The following FAM161B variants were observed in gnomAD, a reference collection of about 807,000 sequenced individuals.
The protein encoded by FAM161B is FAM161 centrosomal protein B.
A neutral mutation model predicts 61.5 loss-of-function variants in FAM161B; 46 were observed. The observed-to-expected ratio is 0.75, with a 90% confidence interval of 0.59 to 0.96. The LOEUF is 0.96. FAM161B is among the 40% of genes least tolerant of loss of function. The pLI is 0.00. For synonymous variants in FAM161B, 284 were observed against 302.7 expected (o/e 0.94, Z 0.64); for missense variants, 774 against 800.7 (o/e 0.97, Z 0.40).
At chr14:73,940,706 T>C (rs573972968) in intron 5 of FAM161B, among the ~76,000 whole-genome samples, 128 of 152,228 alleles carry the variant, frequency 8.4e-4, no homozygotes, top group Admixed American at 2.4e-3. Flanking sequence ...ACACTGTGCC[T>C]GGCACAGAAT....
In FAM161B at chr14:73,936,071, T is replaced by C. The variant is rs1221732568; in HGVS notation, c.1683A>G (p.Glu561=). 2 of 1,610,082 alleles carry C rather than the reference T, an allele frequency of 1.2e-6. No individual in the cohort carries two copies. Among genetic ancestry groups the C allele is most frequent in the East Asian group, 4.5e-5 (2 of 44,826 alleles). The part of the protein sequence containing the change: ...EQVAKDLAKK[E]AEQWYLDTLK... ...GGGTGTCTAGATACCACTGTTCTGC[T>C]TCTTTCTTGGCTAGATCCTGTGGGA... Residue 561 remains glutamate, a synonymous_variant, in exon 8 of 9, where the codon GAA becomes GAG. Transcript: ENST00000286544.
At chr14:73,949,483 G>T (rs2056106227) in intron 1 of FAM161B, among the ~76,000 whole-genome samples, 1 of 151,128 alleles carries the variant, frequency 6.6e-6, no homozygotes, top group Non-Finnish European at 1.5e-5. Context: ...CTCCCAAAGT[G>T]CTGGGATTAC....
At position 73,942,373 on chromosome 14, in the gene FAM161B, C is replaced by T. The variant is rs769599672; in HGVS notation, c.1268G>A (p.Arg423Lys). ...CACAGCTGCCTGGGCTCTCACCTGC[C>T]TCCTTCCGGTGGTGGCAGCATCACA... The part of the protein sequence containing the change: ...RPCDAATTGR[R>K]QDSPQPPATP... The change falls in exon 4 of 9, where the codon AGG (arginine) becomes AAG (lysine). Residue 423 changes from arginine (R) to lysine (K), a missense_variant. By Grantham distance (26) the Arg-to-Lys change is conservative (BLOSUM62 2). Transcript: ENST00000286544. 48 of 1,613,406 alleles carry T rather than the reference C, an allele frequency of 3.0e-5. No homozygotes were observed. The Middle Eastern group carries it at 5.0e-4, about 17-fold the overall frequency.
intron 5 of FAM161B, 87 bp from the exon 6 acceptor site, chr14:73,938,199 T>G (rs561094249): frequency 1.3e-6 from 2 of 1,499,104 alleles, no homozygotes; most frequent in East Asian, 2.3e-5. Context: ...TGGCTCACAC[T>G]TGTAGTCCTA....
the FAM161B span, among the ~76,000 whole-genome samples, chr14:73,925,394 G>A: frequency 6.6e-6 from 1 of 151,730 alleles, no homozygotes; most frequent in South Asian, 2.1e-4. Context: ...TCGAAGTTAC[G>A]GCTGAGAGCG....
At chr14:73,943,764 ATTTGTC>A (rs1157600093) in intron 3 of FAM161B, among the ~76,000 whole-genome samples, 1 of 152,086 alleles carries the variant, frequency 6.6e-6, no homozygotes, top group Non-Finnish European at 1.5e-5. Flanking sequence ...ATTTGTATGT[ATTTGTC>A]TTTATCTGTT....
At chr14:73,925,293 C>T in the FAM161B span, among the ~76,000 whole-genome samples, 188 of 152,204 alleles carry the variant, frequency 1.2e-3, 1 homozygote, top group Middle Eastern at 0.01. Flanking sequence ...CTCCATTTTT[C>T]TTGTCTTCAT....
At chr14:73,937,103 A>T (rs955913566) in intron 7 of FAM161B, among the ~76,000 whole-genome samples, 1 of 152,176 alleles carries the variant, frequency 6.6e-6, no homozygotes, top group African/African-American at 2.4e-5. Flanking sequence ...AAGAAAAAAA[A>T]ATTTCAGGCT....
Position 73,942,485 on chromosome 14 carries a change from C to T in FAM161B, c.1156G>A (p.Ala386Thr). 2 of 1,614,208 alleles carry T rather than the reference C, an allele frequency of 1.2e-6. No homozygotes were observed. Among genetic ancestry groups the T allele is most frequent in the Non-Finnish European group, 1.7e-6 (2 of 1,180,044 alleles). ...EGLYKAFQRR[A>T]AKRRETQEAT... ...TCTTGGGTTTCTCTTCTTTTGGCTG[C>T]TCTTCTCTGGAAGGCCTTGTAAAGG... The change falls in exon 4 of 9, where the codon GCA becomes ACA. Residue 386 changes from alanine to threonine, a missense_variant. Transcript: ENST00000286544.
chr14:73,939,731 G>A (rs2056001572), intron 5 of FAM161B, among the ~76,000 whole-genome samples: 1 of 152,210 alleles, frequency 6.6e-6, no homozygotes, highest in African/African-American at 2.4e-5. Context: ...GTAGCACTTA[G>A]TTTGTTCAGT....
chr14:73,949,463 T>C (rs1464631762), intron 1 of FAM161B, among the ~76,000 whole-genome samples: 2 of 151,934 alleles, frequency 1.3e-5, no homozygotes, highest in Non-Finnish European at 2.9e-5. Flanking sequence ...CATGATCCGC[T>C]TTCCTTGGCC....
chr14:73,931,397 C>A (rs2055912410), downstream of FAM161B: 1 of 939,182 alleles, frequency 1.1e-6, no homozygotes. Context: ...TTCATTCACC[C>A]CTGTAGTGCA....
At chr14:73,945,262 C>G (rs1234203520) in intron 2 of FAM161B, among the ~76,000 whole-genome samples, 1 of 151,978 alleles carries the variant, frequency 6.6e-6, no homozygotes, top group African/African-American at 2.4e-5. Flanking sequence ...TGTCTACTTA[C>G]CAGGTTATTG....
At chr14:73,946,030 C>T (rs1430803374) in intron 2 of FAM161B, among the ~76,000 whole-genome samples, 1 of 152,214 alleles carries the variant, frequency 6.6e-6, no homozygotes, top group East Asian at 1.9e-4. Context: ...GTGTGAGCCC[C>T]TGCACCTGAG....
At position 73,935,997 on chromosome 14, in the gene FAM161B, C is replaced by G. The variant is rs185308149; in HGVS notation, c.1757G>C (p.Gly586Ala). The G allele has an allele frequency of 6.2e-7, 1 of 1,613,632 alleles. No individual in the cohort carries two copies. Among genetic ancestry groups the G allele is most frequent in the East Asian group, 2.2e-5 (1 of 44,862 alleles). The part of the protein sequence containing the change: ...EEDFVRNKGQ[G>A]TRAVQEKETK... ...CTCTTTCTCTTGAACAGCCCGGGTG[C>G]CTTGACCCTTGTTTCTCACAAAGTC... is the stretch of plus-strand genomic sequence containing the variant. The change falls in exon 8 of 9, where the codon GGC becomes GCC. Residue 586 changes from glycine to alanine, a missense_variant. Gly to Ala is a moderately conservative substitution (Grantham distance 60). Coordinates refer to ENST00000286544, the MANE Select transcript of FAM161B (RefSeq NM_152445.3).
Position 73,944,799 on chromosome 14 carries a change from C to T in FAM161B, c.461G>A (p.Arg154Gln), listed in dbSNP as rs34140859. Residue 154 changes from arginine to glutamine, a missense_variant, in exon 3 of 9, where the codon CGG (arginine) becomes CAG (glutamine). Transcript: ENST00000286544. ...GACGCTTCTGTGCTGGGAGGGAGGCCGGGAGCCTGAGGGTGGCTGGGTCTG... is the reference window on the plus strand; with the variant it reads ...GACGCTTCTGTGCTGGGAGGGAGGCTGGGAGCCTGAGGGTGGCTGGGTCTG... ...RPQTQPPSGSRPPSQHRSVSS... is the reference protein window; with the variant it reads ...RPQTQPPSGSQPPSQHRSVSS... 1.7e-3 allele frequency: 2,730 copies of T among 1,577,336 alleles called. 30 individuals carry two copies. In the African/African-American group the frequency reaches 0.032, roughly 18 times the overall value.
intron 5 of FAM161B, among the ~76,000 whole-genome samples, chr14:73,938,547 C>T (rs1245567984): frequency 1.4e-4 from 22 of 151,728 alleles, no homozygotes; most frequent in Admixed American, 1.2e-3. Context: ...CCGAGGCGGG[C>T]GGATCACAAG....
At chr14:73,945,575 C>T (rs2056059417) in intron 2 of FAM161B, among the ~76,000 whole-genome samples, 5 of 152,166 alleles carry the variant, frequency 3.3e-5, no homozygotes, top group Admixed American at 2.6e-4. Flanking sequence ...ATTACAGGCA[C>T]CTGCCACCAT....
At chr14:73,924,853 A>G in the FAM161B span, 2 of 330,644 alleles carry the variant, frequency 6.0e-6, no homozygotes, top group East Asian at 9.7e-5. Flanking sequence ...ATTTTTTTGT[A>G]TTTTTAGTAG....
Sources: gnomAD v4.1 joint callset for allele counts (sites outside exome capture counted in the v4.1 genomes callset) on GRCh38, gnomAD v4.1.1 for gene constraint, MANE v1.5 for transcripts, NCBI Gene and HGNC (gene_info 2026-07-23, HGNC 2026-07-21) for gene names.